The following SLC5A11 variants were observed in gnomAD, a reference collection of about 807,000 sequenced individuals.
SLC5A11 encodes solute carrier family 5 member 11, also known as sodium/myo-inositol cotransporter 2.
A neutral mutation model predicts 69.8 loss-of-function variants in SLC5A11; 48 were observed. That is an observed-to-expected ratio of 0.69 (90% confidence interval 0.55 to 0.87). SLC5A11 has a LOEUF of 0.87. Among genes scored for constraint, SLC5A11 ranks in the 40% least tolerant of loss-of-function variants. The pLI, the probability that SLC5A11 is intolerant of heterozygous loss-of-function variation, is 0.00. For synonymous variants in SLC5A11, 319 were observed against 342.4 expected (o/e 0.93, Z 0.75); for missense variants, 784 against 866.1 (o/e 0.91, Z 1.19).
At chr16:24,858,744 T>A (rs2059639333) in exon 2 of SLC5A11, 1 of 1,611,640 alleles carries the variant, frequency 6.2e-7, no homozygotes, top group African/African-American at 1.3e-5. Flanking sequence ...GTGCTAGTTC[T>A]GTACTTCCTC....
At chr16:24,876,650 C>T (rs746578381) in intron 6 of SLC5A11, among the ~76,000 whole-genome samples, 10 of 152,178 alleles carry the variant, frequency 6.6e-5, no homozygotes, top group Non-Finnish European at 1.0e-4. Context: ...GCAGGACAGA[C>T]AACACAGGCT....
intron 3 of SLC5A11, 84 bp from the exon 5 acceptor site, chr16:24,869,817 C>A: frequency 1.0e-6 from 1 of 989,456 alleles, no homozygotes; most frequent in African/African-American, 1.6e-5. Flanking sequence ...TTCTCTGTCC[C>A]TTTGGAGCAT....
chr16:24,911,527 T>C, exon 16 of SLC5A11: 1 of 1,614,164 alleles, frequency 6.2e-7, no homozygotes. Context: ...GGGGCTATTT[T>C]GCTTAGTGTG....
chr16:24,892,049 T>TAAA (rs35705061), intron 9 of SLC5A11, among the ~76,000 whole-genome samples: 5 of 97,014 alleles, frequency 5.2e-5, no homozygotes, highest in South Asian at 3.8e-4. Flanking sequence ...AGACCATCTC[T>TAAA]AAAAAAAAAA....
intron 1 of SLC5A11, among the ~76,000 whole-genome samples, chr16:24,853,183 A>G (rs1392257525): frequency 2.6e-5 from 4 of 151,502 alleles, no homozygotes; most frequent in African/African-American, 4.9e-5. Flanking sequence ...TGTTGCACTC[A>G]GTCCCCAGGG....
Position 24,855,047 on chromosome 16 carries a change from G to A in SLC5A11, c.-24-3573G>A, listed in dbSNP as rs570466195. ...AGTGGGGCAATCATAACTCACTGTA[G>A]CCAAGCTCCTGGGCTCAAGTGATCC... On this transcript the variant is annotated intron_variant, in intron 1 of 15. Coordinates refer to ENST00000347898, the Ensembl canonical transcript of SLC5A11. 3.3e-3 allele frequency among the ~76,000 whole-genome samples: 500 copies of A among 150,472 alleles called. 14 individuals carry two copies. Among genetic ancestry groups the A allele is most frequent in the Non-Finnish European group, 8.3e-4 (56 of 67,536 alleles).
At chr16:24,896,488 C>T (rs1287650723) in intron 9 of SLC5A11, among the ~76,000 whole-genome samples, 1 of 151,862 alleles carries the variant, frequency 6.6e-6, no homozygotes, top group Non-Finnish European at 1.5e-5. Flanking sequence ...GAGTGAGACC[C>T]CATCTCTTAA....
intron 2 of SLC5A11, 50 bp from the exon 4 acceptor site, chr16:24,862,551 C>T: frequency 6.5e-7 from 1 of 1,543,944 alleles, no homozygotes; most frequent in South Asian, 1.1e-5. Context: ...TTTGAGATGC[C>T]TCTGATTGCT....
chr16:24,905,640 G>GCGCGCGCGCACGCACA (rs1443035551), intron 10 of SLC5A11, among the ~76,000 whole-genome samples: 2 of 136,698 alleles, frequency 1.5e-5, no homozygotes, highest in African/African-American at 5.6e-5. Context: ...GCGCGCGCGC[G>GCGCGCGCGCACGCACA]CACACACACA....
Position 24,903,044 on chromosome 16 carries a change from C to T in SLC5A11, c.1007-3613C>T, listed in dbSNP as rs551082700. ...GAAGTGGGCATTGTGTATTTGAAGT[C>T]TCTCTCCCTTCTCTGGAGGCCCAGA... On this transcript the variant is annotated intron_variant, in intron 10 of 15. Transcript: ENST00000347898. Among the ~76,000 whole-genome samples, 20 of 152,250 alleles carry T rather than the reference C, an allele frequency of 1.3e-4. No individual in the cohort carries two copies. In the South Asian group the frequency reaches 3.9e-3, roughly 30 times the overall value.
chr16:24,863,899 C>G (rs2046755387), intron 3 of SLC5A11, among the ~76,000 whole-genome samples: 1 of 152,118 alleles, frequency 6.6e-6, no homozygotes, highest in Non-Finnish European at 1.5e-5. Context: ...TAAAAAAGGT[C>G]ACTGTTTTAC....
intron 1 of SLC5A11, among the ~76,000 whole-genome samples, chr16:24,856,506 C>A (rs1358956689): frequency 4.7e-5 from 7 of 150,314 alleles, no homozygotes; most frequent in African/African-American, 1.7e-4. Flanking sequence ...GTAATCCCAG[C>A]ACTTTGGGAG....
chr16:24,873,238 A>AGAGGGAGG (rs1358280636), intron 5 of SLC5A11, among the ~76,000 whole-genome samples: 1 of 103,788 alleles, frequency 9.6e-6, no homozygotes, highest in Non-Finnish European at 1.9e-5. Flanking sequence ...AGGAATGGAG[A>AGAGGGAGG]GAGGGAGGGA....
intron 1 of SLC5A11, among the ~76,000 whole-genome samples, chr16:24,855,379 A>G (rs548903906): frequency 6.8e-6 from 1 of 147,674 alleles, no homozygotes; most frequent in African/African-American, 2.5e-5. Flanking sequence ...AGTTGGAGGA[A>G]TTGCTTGAGC....
exon 8 of SLC5A11, chr16:24,884,106 A>C (rs1469274021): frequency 1.2e-6 from 2 of 1,614,084 alleles, no homozygotes; most frequent in Non-Finnish European, 1.7e-6. Flanking sequence ...TCATGCTTAT[A>C]GGAGCGCTCA....
intron 3 of SLC5A11, among the ~76,000 whole-genome samples, chr16:24,868,773 C>G (rs1597064845): frequency 1.3e-5 from 2 of 151,414 alleles, no homozygotes; most frequent in African/African-American, 4.9e-5. Context: ...TCACAATTCT[C>G]TCTCCTCTCT....
At chr16:24,854,848 T>A (rs1057346492) in intron 1 of SLC5A11, among the ~76,000 whole-genome samples, 1 of 152,200 alleles carries the variant, frequency 6.6e-6, no homozygotes, top group African/African-American at 2.4e-5. Context: ...ATGCTTTTCC[T>A]GCTTGGAACC....
rs575404918 is a variant in SLC5A11, at chr16:24,863,206, T to C, written c.207+534T>C. On this transcript the variant is annotated intron_variant, in intron 3 of 15. Coordinates refer to ENST00000347898, the Ensembl canonical transcript of SLC5A11. ...AAGCAGGGAATCATAAAAATAAAAT[T>C]TAAAAATGTGCTTTTCTCCTCTGGA... Among the ~76,000 whole-genome samples, 12 of 151,338 alleles carry C rather than the reference T, an allele frequency of 7.9e-5. No homozygotes were observed. The East Asian group carries it at 2.3e-3, about 29-fold the overall frequency.
chr16:24,847,384 CCTCT>C (rs1167350663), intron 1 of SLC5A11, among the ~76,000 whole-genome samples: 3 of 148,844 alleles, frequency 2.0e-5, no homozygotes, highest in Admixed American at 6.8e-5. Flanking sequence ...TTCTTTGCCT[CCTCT>C]CTCTCTCTGT....
Sources: allele counts gnomAD v4.1 joint callset (sites outside exome capture counted in the v4.1 genomes callset), GRCh38; gene constraint gnomAD v4.1.1; transcripts MANE v1.5; gene names NCBI Gene and HGNC (gene_info 2026-07-23, HGNC 2026-07-21).